THRB: variants seen among roughly 807,000 people sequenced by gnomAD.
THRB encodes the protein nuclear receptor subfamily 1 group A member 2.
A neutral mutation model predicts 47.8 loss-of-function variants in THRB; 12 were observed. The ratio of observed to expected loss-of-function variants is 0.25; its 90% confidence interval spans 0.16 to 0.41. THRB has a LOEUF of 0.41. Among genes scored for constraint, THRB ranks in the 10% least tolerant of loss-of-function variants. The pLI, the probability that THRB is intolerant of heterozygous loss-of-function variation, is 1.00. For synonymous variants in THRB, 218 were observed against 212.2 expected (o/e 1.03, Z -0.24); for missense variants, 348 against 589.2 (o/e 0.59, Z 4.24).
chr3:24,446,560 CAAA>C (rs755620840), intron 1 of THRB, among the ~76,000 whole-genome samples: 4 of 41,404 alleles, frequency 9.7e-5, no homozygotes, highest in African/African-American at 2.7e-4. Context: ...AGATCTTTCT[CAAA>C]AAAAAAAAAA....
At position 24,123,118 on chromosome 3, in the gene THRB, C is replaced by T. The variant is rs540060523; in HGVS notation, c.1152G>A (p.Pro384=). Residue 384 remains proline, a synonymous_variant, in exon 11 of 11, where the codon CCG becomes CCA. Transcript: ENST00000646209. The part of the protein sequence containing the change: ...QAVLLMSSDR[P]GLACVERIEK... ...CTATTCTCTCAACACAGGCAAGCCC[C>T]GGGCGATCTGCGGGGAAGAGAGAAG... is the stretch of plus-strand genomic sequence containing the variant. 7.4e-6 allele frequency: 12 copies of T among 1,613,974 alleles called. No individual in the cohort carries two copies. The highest frequency in any genetic ancestry group is 4.4e-5 in the South Asian group (4 of 91,070).
chr3:24,293,451 C>T (rs2056150494), intron 3 of THRB, among the ~76,000 whole-genome samples: 1 of 152,092 alleles, frequency 6.6e-6, no homozygotes, highest in Non-Finnish European at 1.5e-5. Context: ...AAATTATATA[C>T]TATGTCAAAC....
chr3:24,485,652 A>G (rs1411074162), intron 1 of THRB, among the ~76,000 whole-genome samples: 1 of 152,204 alleles, frequency 6.6e-6, no homozygotes, highest in Admixed American at 6.5e-5. Context: ...GCCTGCTCCA[A>G]TGGCCTCATT....
At chr3:24,242,098 G>A (rs1020529192) in intron 3 of THRB, among the ~76,000 whole-genome samples, 1 of 152,184 alleles carries the variant, frequency 6.6e-6, no homozygotes, top group Non-Finnish European at 1.5e-5. Flanking sequence ...TGCCACCTCT[G>A]AGAGGTTGCC....
chr3:24,277,132 G>A (rs139130610), intron 3 of THRB, among the ~76,000 whole-genome samples: 2 of 152,130 alleles, frequency 1.3e-5, no homozygotes, highest in African/African-American at 4.8e-5. Flanking sequence ...GTTGGAAGTT[G>A]GTCTGGAACA....
intron 6 of THRB, among the ~76,000 whole-genome samples, chr3:24,147,216 A>C (rs2036212998): frequency 6.6e-6 from 1 of 152,204 alleles, no homozygotes. Flanking sequence ...ATACTGAGTA[A>C]TAAGAGAGCT....
intron 3 of THRB, among the ~76,000 whole-genome samples, chr3:24,290,519 G>A (rs141190012): frequency 2.1e-3 from 320 of 152,224 alleles, no homozygotes; most frequent in African/African-American, 6.5e-3. Flanking sequence ...ATGAATCAAA[G>A]TTCCTCCCTA....
At chr3:24,277,639 G>T (rs1317708346) in intron 3 of THRB, among the ~76,000 whole-genome samples, 1 of 152,068 alleles carries the variant, frequency 6.6e-6, no homozygotes. Flanking sequence ...ACAAGATTTT[G>T]GGTGAAAAGT....
chr3:24,394,685 A>G (rs1008320409), intron 1 of THRB, among the ~76,000 whole-genome samples: 2 of 152,140 alleles, frequency 1.3e-5, no homozygotes, highest in African/African-American at 4.8e-5. Flanking sequence ...AAATAGCACC[A>G]CAGCATTCAG....
intron 1 of THRB, among the ~76,000 whole-genome samples, chr3:24,357,787 T>C (rs567638686): frequency 7.2e-5 from 11 of 152,270 alleles, no homozygotes; most frequent in African/African-American, 2.6e-4. Context: ...TTCTTTGAGA[T>C]TATAAACTAC....
At chr3:24,310,682 C>T (rs2057694603) in intron 2 of THRB, among the ~76,000 whole-genome samples, 2 of 152,172 alleles carry the variant, frequency 1.3e-5, no homozygotes, top group Non-Finnish European at 2.9e-5. Flanking sequence ...GAAATTTCAT[C>T]TCTCAGTAGA....
In THRB at chr3:24,436,826, A is replaced by T. The variant is rs577129268; in HGVS notation, c.-261+57826T>A. Among the ~76,000 whole-genome samples the T allele has an allele frequency of 2.6e-5, 4 of 152,282 alleles. No individual in the cohort carries two copies. The East Asian group carries it at 5.8e-4, about 22-fold the overall frequency. ...GTTCTCTTCTTCTGTGTGATATATAATAATGTGAATCTCTTCACATGATGA... is the reference window on the plus strand; with the variant it reads ...GTTCTCTTCTTCTGTGTGATATATATTAATGTGAATCTCTTCACATGATGA... On this transcript the variant is annotated intron_variant, in intron 1 of 10. Transcript: ENST00000646209.
rs188658351 is a variant in THRB at position 24,384,031 on chromosome 3, C to T, written c.-260-46660G>A. Among the ~76,000 whole-genome samples, 18 of 152,170 alleles carry T rather than the reference C, an allele frequency of 1.2e-4. 1 individual carries two copies. The highest frequency in any genetic ancestry group is 8.3e-4 in the South Asian group (4 of 4,806). On this transcript the variant is annotated intron_variant, in intron 1 of 10. Coordinates refer to ENST00000646209, the MANE Select transcript of THRB (RefSeq NM_001354712.2). ...TGGTCTCGATTTCTACTTAACTTACCGGCTAGTATCTTTTGGTTACCTTTT... is the reference window on the plus strand; with the variant it reads ...TGGTCTCGATTTCTACTTAACTTACTGGCTAGTATCTTTTGGTTACCTTTT...
chr3:24,151,878 G>A (rs1023536612), intron 6 of THRB, among the ~76,000 whole-genome samples: 4 of 152,148 alleles, frequency 2.6e-5, no homozygotes, highest in African/African-American at 9.7e-5. Flanking sequence ...AGCCAACTTG[G>A]ATAATTTCAG....
At chr3:24,404,502 A>G (rs1313059032) in intron 1 of THRB, among the ~76,000 whole-genome samples, 1 of 152,002 alleles carries the variant, frequency 6.6e-6, no homozygotes, top group Non-Finnish European at 1.5e-5. Flanking sequence ...ATAGAATGAA[A>G]GCAAAATGAG....
intron 2 of THRB, among the ~76,000 whole-genome samples, chr3:24,327,164 G>A (rs1031159737): frequency 1.2e-4 from 19 of 152,128 alleles, no homozygotes; most frequent in African/African-American, 4.6e-4. Context: ...ACAAAAACTT[G>A]TGTTTAGAAT....
chr3:24,224,582 G>A (rs773849461), intron 4 of THRB, among the ~76,000 whole-genome samples: 1 of 152,058 alleles, frequency 6.6e-6, no homozygotes. Flanking sequence ...ACACCTGAAG[G>A]TCCACCTTTG....
intron 10 of THRB, among the ~76,000 whole-genome samples, chr3:24,126,320 G>A (rs2148819767): frequency 6.6e-6 from 1 of 152,188 alleles, no homozygotes; most frequent in African/African-American, 2.4e-5. Context: ...GGTCAAGCCT[G>A]CGATGAGCTG....
chr3:24,443,280 TAGAGA>T (rs2071734593), intron 1 of THRB, among the ~76,000 whole-genome samples: 1 of 152,136 alleles, frequency 6.6e-6, no homozygotes, highest in Non-Finnish European at 1.5e-5. Flanking sequence ...ATGAATTGAT[TAGAGA>T]AAACAATCTG....
Sources: allele counts gnomAD v4.1 joint callset (sites outside exome capture counted in the v4.1 genomes callset), GRCh38; gene constraint gnomAD v4.1.1; transcripts MANE v1.5; gene names NCBI Gene and HGNC (gene_info 2026-07-23, HGNC 2026-07-21).